The following DGKB variants were observed in gnomAD, a reference collection of about 807,000 sequenced individuals.
The protein encoded by DGKB is 90 kDa diacylglycerol kinase.
DGKB carries 67 observed loss-of-function variants against 114.3 expected under a neutral mutation model. The ratio of observed to expected loss-of-function variants is 0.59; its 90% confidence interval spans 0.48 to 0.72. The LOEUF is 0.72. Ranked by LOEUF, DGKB falls within the 30% of genes least tolerant of loss-of-function variation. The pLI is 0.00. For synonymous variants in DGKB, 398 were observed against 323.1 expected (o/e 1.23, Z -2.49); for missense variants, 907 against 975.2 (o/e 0.93, Z 0.93).
At chr7:14,369,859 A>G (rs1215253486) in intron 21 of DGKB, among the ~76,000 whole-genome samples, 1 of 152,166 alleles carries the variant, frequency 6.6e-6, no homozygotes, top group Non-Finnish European at 1.5e-5. Flanking sequence ...ATTTTATCCC[A>G]TTCTGTAAAA....
At chr7:14,471,639 G>A (rs556293565) in intron 21 of DGKB, among the ~76,000 whole-genome samples, 10 of 151,720 alleles carry the variant, frequency 6.6e-5, no homozygotes, top group Admixed American at 2.0e-4. Context: ...GGTTATGTAC[G>A]TAAAGGCTGA....
chr7:14,858,432 A>C (rs1850493670), intron 1 of DGKB, among the ~76,000 whole-genome samples: 1 of 152,222 alleles, frequency 6.6e-6, no homozygotes, highest in Admixed American at 6.5e-5. Flanking sequence ...AATAAAATAG[A>C]AAATATGTAC....
intron 23 of DGKB, among the ~76,000 whole-genome samples, chr7:14,200,763 T>TA (rs1460099786): frequency 6.6e-6 from 1 of 151,988 alleles, no homozygotes; most frequent in Non-Finnish European, 1.5e-5. Flanking sequence ...AAAAAAAACG[T>TA]AATGTAGCAT....
chr7:14,246,255 A>T (rs1365582786), intron 23 of DGKB, among the ~76,000 whole-genome samples: 1 of 152,194 alleles, frequency 6.6e-6, no homozygotes, highest in East Asian at 1.9e-4. Flanking sequence ...ATTGTTTGAC[A>T]GATGTTGCTT....
chr7:14,767,646 A>G (rs1213007985), intron 2 of DGKB, among the ~76,000 whole-genome samples: 2 of 151,918 alleles, frequency 1.3e-5, no homozygotes, highest in African/African-American at 4.8e-5. Context: ...ACAATATAAG[A>G]TGTCTTAAAG....
Position 14,621,798 on chromosome 7 carries a change from A to C in DGKB, c.1168-304T>G, listed in dbSNP as rs1487992518. Among the ~76,000 whole-genome samples, 4 of 152,140 alleles carry C rather than the reference A, an allele frequency of 2.6e-5. No individual in the cohort carries two copies. In the South Asian group the frequency reaches 6.2e-4, roughly 24 times the overall value. On this transcript the variant is annotated intron_variant, in intron 14 of 25. Transcript: ENST00000402815. ...ACGATTACTGAAGTTGATTATTTTC[A>C]TATGTAATGATACAGATAAAGGGTA...
intron 17 of DGKB, among the ~76,000 whole-genome samples, chr7:14,593,834 A>AC (rs1554532917): frequency 2.0e-5 from 3 of 151,464 alleles, no homozygotes; most frequent in Non-Finnish European, 2.9e-5. Flanking sequence ...AAAAGAAAAA[A>AC]ACAACACAGG....
At chr7:14,570,174 T>A (rs996098346) in intron 20 of DGKB, among the ~76,000 whole-genome samples, 20 of 151,760 alleles carry the variant, frequency 1.3e-4, no homozygotes, top group African/African-American at 4.6e-4. Context: ...TGTTTACTTA[T>A]AATTCTCTAT....
intron 21 of DGKB, among the ~76,000 whole-genome samples, chr7:14,467,324 G>T (rs911772204): frequency 1.3e-5 from 2 of 150,728 alleles, no homozygotes; most frequent in Admixed American, 1.3e-4. Flanking sequence ...ATGAGTTAAT[G>T]CATGTGTGAA....
At chr7:14,383,051 T>G (rs1322848861) in intron 21 of DGKB, among the ~76,000 whole-genome samples, 1 of 152,254 alleles carries the variant, frequency 6.6e-6, no homozygotes, top group East Asian at 1.9e-4. Flanking sequence ...AAGAACTTCC[T>G]TCTCCTTTTC....
At chr7:14,535,608 G>A (rs2128604849) in intron 20 of DGKB, among the ~76,000 whole-genome samples, 1 of 152,236 alleles carries the variant, frequency 6.6e-6, no homozygotes, top group East Asian at 1.9e-4. Flanking sequence ...TTCATTTGGA[G>A]ACGGAGTCTT....
At chr7:14,810,318 G>A (rs1586660803) in intron 2 of DGKB, among the ~76,000 whole-genome samples, 3 of 152,024 alleles carry the variant, frequency 2.0e-5, no homozygotes, top group African/African-American at 7.2e-5. Context: ...TCTATACCCA[G>A]ACTGATTGGA....
intron 21 of DGKB, among the ~76,000 whole-genome samples, chr7:14,401,870 G>A (rs965272924): frequency 1.3e-5 from 2 of 151,518 alleles, no homozygotes; most frequent in African/African-American, 4.8e-5. Flanking sequence ...CGGATAGGAT[G>A]TTTTATTCCT....
intron 21 of DGKB, among the ~76,000 whole-genome samples, chr7:14,439,136 G>T (rs1353199712): frequency 1.3e-5 from 2 of 151,948 alleles, no homozygotes; most frequent in Non-Finnish European, 2.9e-5. Flanking sequence ...TTTAAAGGAG[G>T]AGTTACTTTC....
chr7:14,313,610 G>A (rs1293012120), intron 23 of DGKB, among the ~76,000 whole-genome samples: 2 of 152,166 alleles, frequency 1.3e-5, no homozygotes, highest in Non-Finnish European at 2.9e-5. Context: ...GATTATATCC[G>A]CACCTGGCTC....
At position 14,694,055 on chromosome 7, in the gene DGKB, T is replaced by G; in HGVS notation, c.711+20A>C. The G allele has an allele frequency of 6.4e-7, 1 of 1,565,298 alleles. No individual in the cohort carries two copies. Among genetic ancestry groups the G allele is most frequent in the Non-Finnish European group, 8.7e-7 (1 of 1,153,002 alleles). Reference sequence around the variant, plus strand: ...CCACTGACTCACCACCAGGCCACCCTCCTCTGTGGAAATGCTTACATTTTC... The same window carrying G: ...CCACTGACTCACCACCAGGCCACCCGCCTCTGTGGAAATGCTTACATTTTC... On this transcript the variant is annotated intron_variant, in intron 9 of 25. Coordinates refer to ENST00000402815, the MANE Select transcript of DGKB (RefSeq NM_001350709.2).
chr7:14,669,429 G>C (rs930796928), intron 13 of DGKB, among the ~76,000 whole-genome samples: 2 of 152,198 alleles, frequency 1.3e-5, no homozygotes, highest in South Asian at 2.1e-4. Flanking sequence ...TACTGCCTCA[G>C]AATCTGTTGG....
chr7:14,616,750 T>C (rs1257290769), intron 15 of DGKB, among the ~76,000 whole-genome samples: 1 of 151,758 alleles, frequency 6.6e-6, no homozygotes, highest in South Asian at 2.1e-4. Context: ...CCATTGTGCT[T>C]GAGGCTCTCT....
chr7:14,721,026 C>G (rs556776742), intron 5 of DGKB, among the ~76,000 whole-genome samples: 2 of 152,174 alleles, frequency 1.3e-5, no homozygotes, highest in African/African-American at 4.8e-5. Flanking sequence ...TAAGCTATGA[C>G]CTAACTCATC....
Sources: allele counts gnomAD v4.1 joint callset (sites outside exome capture counted in the v4.1 genomes callset), GRCh38; gene constraint gnomAD v4.1.1; transcripts MANE v1.5; gene names NCBI Gene and HGNC (gene_info 2026-07-23, HGNC 2026-07-21).